Variants in ADGRG1 observed in about 807,000 individuals in gnomAD.
ADGRG1 encodes 7-transmembrane protein with no EGF-like N-terminal domains-1.
ADGRG1 carries 53 observed loss-of-function variants against 73.5 expected under a neutral mutation model. The ratio of observed to expected loss-of-function variants is 0.72; its 90% CI spans 0.58 to 0.91. The LOEUF is 0.91. ADGRG1 is among the 40% of genes least tolerant of loss of function. ADGRG1 has a pLI of 0.00. For missense variants in ADGRG1, 795 were observed against 871.8 expected, an observed-to-expected ratio of 0.91 and a Z score of 1.11; for synonymous variants, 394 against 374.4, an observed-to-expected ratio of 1.05 and a Z score of -0.60.
rs1159947995 is a variant in ADGRG1 at position 57,656,604 on chromosome 16, T to C, written c.1154T>C (p.Phe385Ser). The change falls in exon 9 of 14, where the codon TTT (phenylalanine) becomes TCT (serine). Residue 385 changes from phenylalanine (F) to serine (S), a missense_variant. Transcript: ENST00000562631. The stretch of plus-strand genomic sequence containing the variant: ...TGCTTCTGCAACCACTTGACCTACT[T>C]TGCAGTGCTGATGGTGAGGGTCCCT... ...TSCFCNHLTY[F>S]AVLMVSSVEV... is the part of the protein sequence containing the mutation. The C allele has an allele frequency of 6.2e-7, 1 of 1,608,334 alleles. No individual in the cohort carries two copies. The highest frequency in any genetic ancestry group is 8.5e-7 in the Non-Finnish European group (1 of 1,174,890).
At chr16:57,663,389 G>T in intron 13 of ADGRG1, 63 bp from the exon 14 acceptor site, 1 of 1,603,386 alleles carries the variant, frequency 6.2e-7, no homozygotes, top group South Asian at 1.1e-5. Context: ...TGGCTGGGGA[G>T]GGAGGAGGAG....
Position 57,632,015 on chromosome 16 carries a change from A to C in ADGRG1, c.-36+3213A>C, listed in dbSNP as rs1328966772. On this transcript the variant is annotated intron_variant, in intron 1 of 13. Coordinates refer to ENST00000562631, the MANE Select transcript of ADGRG1 (RefSeq NM_201525.4). ...ACTCTCCCTGGTTCCCTGATGGCTC[A>C]GCCTGGATGGGAGCAATCCTGGACC... The C allele has an allele frequency of 4.1e-6, 4 of 985,372 alleles. No individual in the cohort carries two copies. In the African/African-American group the frequency reaches 7.0e-5, roughly 17 times the overall value. The allele number at this position is 985,372 out of a possible 1,614,324, so 61.0% of individuals were successfully genotyped here. A position where few individuals can be genotyped will look rare whatever the true frequency, so the allele number is the denominator to read the frequency against.
chr16:57,659,359 C>T (rs750367602), intron 10 of ADGRG1, 54 bp from the exon 11 acceptor site: 2 of 1,611,106 alleles, frequency 1.2e-6, no homozygotes, highest in East Asian at 4.5e-5. Context: ...GATGTGGGCA[C>T]ACTCCCCTCT....
intron 11 of ADGRG1, chr16:57,660,293 C>A: frequency 1.0e-6 from 1 of 985,174 alleles, no homozygotes; most frequent in Non-Finnish European, 1.2e-6. Flanking sequence ...TCCATTCCCC[C>A]ATTTGCATGA....
At chr16:57,647,090 G>A (rs2042850704) in intron 1 of ADGRG1, 1 of 985,098 alleles carries the variant, frequency 1.0e-6, no homozygotes. Flanking sequence ...GGTGGCAGGT[G>A]TGTGTGCGTG....
At chr16:57,654,397 G>A (rs1279532348) in intron 5 of ADGRG1, among the ~76,000 whole-genome samples, 5 of 143,228 alleles carry the variant, frequency 3.5e-5, no homozygotes, top group Admixed American at 7.2e-5. Flanking sequence ...GCCCCTAAAC[G>A]CCTGTCCACG....
Position 57,655,949 on chromosome 16 carries a change from T to A in ADGRG1, c.974T>A (p.Leu325His). Residue 325 changes from leucine (L) to histidine (H), a missense_variant, in exon 7 of 14, where the codon CTC (leucine) becomes CAC (histidine). By Grantham distance (99) the Leu-to-His change is moderately conservative. Coordinates refer to ENST00000562631, the MANE Select transcript of ADGRG1 (RefSeq NM_201525.4). The stretch of plus-strand genomic sequence containing the variant: ...GTACAGAACACCAAAGTAGCCAACC[T>A]CACGGAGCCCGTGGTGCTCACTTTC... ...IVVQNTKVAN[L>H]TEPVVLTFQH... 6.2e-7 allele frequency: 1 copy of A among 1,614,060 alleles called. No individual in the cohort carries two copies. The highest frequency in any genetic ancestry group is 8.5e-7 in the Non-Finnish European group (1 of 1,180,006).
intron 3 of ADGRG1, 80 bp downstream of exon 3, chr16:57,651,702 T>C (rs1224306492): frequency 2.0e-6 from 3 of 1,524,552 alleles, no homozygotes; most frequent in Non-Finnish European, 2.7e-6. Context: ...TGGACTGGGC[T>C]CACAATATCA....
At chr16:57,657,734 TTTATTTTATTATTA>T (rs1226680582) in intron 10 of ADGRG1, among the ~76,000 whole-genome samples, 1 of 152,018 alleles carries the variant, frequency 6.6e-6, no homozygotes, top group African/African-American at 2.4e-5. Context: ...TATTTTTATT[TTTATTTTATTATTA>T]TTATTTTTTT....
rs776480483 is a variant in ADGRG1, at chr16:57,651,232, C to T, written c.97C>T (p.Arg33Cys). Residue 33 changes from arginine (R) to cysteine (C), a missense_variant, in exon 3 of 14, where the codon CGC (arginine) becomes TGC (cysteine). Coordinates refer to ENST00000562631, the MANE Select transcript of ADGRG1 (RefSeq NM_201525.4). The part of the protein sequence containing the change: ...AHGRGHREDF[R>C]FCSQRNQTHR... ...CGGCAGGGGCCACAGGGAAGACTTTCGCTTCTGCAGCCAGCGGAACCAGAC... is the reference window on the plus strand; with the variant it reads ...CGGCAGGGGCCACAGGGAAGACTTTTGCTTCTGCAGCCAGCGGAACCAGAC... 6.3e-5 allele frequency: 101 copies of T among 1,614,070 alleles called. No homozygotes were observed. The highest frequency in any genetic ancestry group is 6.8e-5 in the Non-Finnish European group (80 of 1,180,026).
chr16:57,646,006 G>A (rs1427390800), intron 1 of ADGRG1: 1 of 152,320 alleles, frequency 6.6e-6, no homozygotes, highest in East Asian at 1.9e-4. Flanking sequence ...GTCTGTGGGT[G>A]GGATGCCTGT....
At chr16:57,655,730 G>T in intron 6 of ADGRG1, 146 bp from the exon 7 acceptor site, 2 of 1,603,606 alleles carry the variant, frequency 1.2e-6, no homozygotes, top group Non-Finnish European at 1.7e-6. Context: ...ATGACTACAT[G>T]GGCAAAAGTG....
intron 1 of ADGRG1, chr16:57,635,279 C>G: frequency 3.0e-6 from 3 of 985,254 alleles, no homozygotes; most frequent in Non-Finnish European, 3.6e-6. Context: ...CTGTACTTAT[C>G]CTATGCCATG....
intron 4 of ADGRG1, chr16:57,653,780 A>T: frequency 1.0e-6 from 1 of 983,008 alleles, no homozygotes; most frequent in Non-Finnish European, 1.2e-6. Flanking sequence ...ACCCCAGCTC[A>T]TTCTTTCTCT....
At chr16:57,634,093 C>T (rs530551934) in intron 1 of ADGRG1, 374 of 985,310 alleles carry the variant, frequency 3.8e-4, no homozygotes, top group Non-Finnish European at 4.1e-4. Flanking sequence ...GGGTTCCAGT[C>T]GAGCTGGTTT....
At chr16:57,630,180 C>A in intron 1 of ADGRG1, 1 of 397,036 alleles carries the variant, frequency 2.5e-6, no homozygotes, top group Non-Finnish European at 3.4e-6. Context: ...GCCCCCTGCC[C>A]CTCCCAGAGG....
At chr16:57,658,831 G>T (rs961097600) in intron 10 of ADGRG1, 3 of 316,772 alleles carry the variant, frequency 9.5e-6, no homozygotes, top group African/African-American at 6.8e-5. Flanking sequence ...CAAGGGGAGG[G>T]GACCAGCTGA....
At chr16:57,658,265 G>A (rs1403723527) in intron 10 of ADGRG1, among the ~76,000 whole-genome samples, 1 of 152,232 alleles carries the variant, frequency 6.6e-6, no homozygotes, top group African/African-American at 2.4e-5. Flanking sequence ...TGTTCTAAGT[G>A]TTTTACATGT....
chr16:57,624,273 G>A (rs1313417300), upstream of ADGRG1: 24 of 476,672 alleles, frequency 5.0e-5, no homozygotes, highest in Non-Finnish European at 5.5e-5. Flanking sequence ...GTCAAGGTGG[G>A]AGGATCGCTT....
Sources: allele counts gnomAD v4.1 joint callset (sites outside exome capture counted in the v4.1 genomes callset), GRCh38; gene constraint gnomAD v4.1.1; transcripts MANE v1.5; gene names NCBI Gene and HGNC (gene_info 2026-07-23, HGNC 2026-07-21).